Variants in PRKACB observed in about 807,000 individuals in gnomAD.
The protein encoded by PRKACB is cAMP-dependent protein kinase catalytic subunit beta.
A neutral mutation model predicts 51.4 loss-of-function variants in PRKACB; 16 were observed. The ratio of observed to expected loss-of-function variants is 0.31; its 90% confidence interval spans 0.21 to 0.47. The LOEUF (loss-of-function observed/expected upper bound fraction) is 0.47, where lower values mean the gene tolerates loss of function less well. Ranked by LOEUF, PRKACB falls within the 20% of genes least tolerant of loss-of-function variation. The pLI, the probability that PRKACB is intolerant of heterozygous loss-of-function variation, is 1.00. For synonymous variants in PRKACB, 147 were observed against 154.4 expected (o/e 0.95, Z 0.35); for missense variants, 309 against 464.5 (o/e 0.67, Z 3.08).
intron 1 of PRKACB, among the ~76,000 whole-genome samples, chr1:84,163,713 A>G (rs1656587565): frequency 1.3e-5 from 2 of 152,074 alleles, no homozygotes; most frequent in Non-Finnish European, 2.9e-5. Flanking sequence ...TTCCAGAGCC[A>G]TGAAATCATT....
At chr1:84,234,869 C>T (rs988983945) in intron 9 of PRKACB, among the ~76,000 whole-genome samples, 3 of 152,274 alleles carry the variant, frequency 2.0e-5, no homozygotes, top group East Asian at 1.9e-4. Flanking sequence ...AGAAATCACC[C>T]GTCTTCTGTG....
chr1:84,175,661 G>A (rs1194034218), intron 1 of PRKACB: 2 of 660,410 alleles, frequency 3.0e-6, no homozygotes, highest in African/African-American at 3.7e-5. Context: ...TAAATACATT[G>A]AAAAATTTGA....
intron 1 of PRKACB, among the ~76,000 whole-genome samples, chr1:84,171,116 C>G (rs1383339584): frequency 1.3e-5 from 2 of 151,232 alleles, no homozygotes; most frequent in Non-Finnish European, 3.0e-5. Context: ...AATAACTTAC[C>G]AAATAATTAA....
At chr1:84,221,793 G>A (rs1358065877) in intron 9 of PRKACB, among the ~76,000 whole-genome samples, 1 of 152,052 alleles carries the variant, frequency 6.6e-6, no homozygotes, top group Admixed American at 6.6e-5. Context: ...AGAAAATCTT[G>A]ATATGATTTC....
At chr1:84,088,552 G>C (rs1424573758) in intron 1 of PRKACB, among the ~76,000 whole-genome samples, 1 of 152,112 alleles carries the variant, frequency 6.6e-6, no homozygotes, top group African/African-American at 2.4e-5. Context: ...TCTTTTACAG[G>C]GGCTAGCTCT....
chr1:84,185,197 TG>T lies in PRKACB; in HGVS notation c.560+16del. ...GGAAGGTTCAGGTAACTAATGGTTT[TG>T]CTTTCTTCAAATCTTTATATGCTTG... On this transcript the variant is annotated intron_variant, in intron 5 of 9. Coordinates refer to ENST00000370685, the MANE Select transcript of PRKACB (RefSeq NM_182948.4). 6.7e-7 allele frequency: 1 copy of T among 1,486,738 alleles called. No homozygotes were observed. The highest frequency in any genetic ancestry group is 9.0e-7 in the Non-Finnish European group (1 of 1,112,768). The allele number at this position is 1,486,738 out of a possible 1,614,324, so 92.1% of individuals were successfully genotyped here. A position where few individuals can be genotyped will look rare whatever the true frequency, so the allele number is the denominator to read the frequency against.
At chr1:84,161,035 T>C (rs1052698740) in intron 1 of PRKACB, among the ~76,000 whole-genome samples, 6 of 151,912 alleles carry the variant, frequency 3.9e-5, no homozygotes, top group Non-Finnish European at 8.8e-5. Context: ...ATTTCCTGTC[T>C]AGTTTTTCCA....
chr1:84,142,724 T>C (rs1433627996), upstream of PRKACB, among the ~76,000 whole-genome samples: 2 of 152,212 alleles, frequency 1.3e-5, no homozygotes, highest in African/African-American at 4.8e-5. Context: ...AAGTTTATCT[T>C]ATAGATACTG....
chr1:84,204,450 T>G, intron 8 of PRKACB: 1 of 1,497,058 alleles, frequency 6.7e-7, no homozygotes, highest in Non-Finnish European at 9.3e-7. Flanking sequence ...GGCTTCAGAC[T>G]TCTTATCTTT....
chr1:84,184,213 C>A, intron 4 of PRKACB, 78 bp downstream of exon 4: 1 of 1,252,880 alleles, frequency 8.0e-7, no homozygotes, highest in Non-Finnish European at 1.1e-6. Context: ...GGATTCTAAA[C>A]CAGATGATAA....
Position 84,121,515 on chromosome 1 carries a change from T to A in PRKACB, c.46+43144T>A, listed in dbSNP as rs1326195414. On this transcript the variant is annotated intron_variant, in intron 1 of 8. Coordinates refer to the PRKACB transcript ENST00000370688. ...CTGTACATTACCCCTAAACTTTCCC[T>A]TATTCAGATCTCTAAAATGCCTGGT... Among the ~76,000 whole-genome samples, 3 of 152,140 alleles carry A rather than the reference T, an allele frequency of 2.0e-5. No individual in the cohort carries two copies. In the South Asian group the frequency reaches 6.2e-4, roughly 31 times the overall value.
chr1:84,212,214 G>A (rs1473370538), intron 8 of PRKACB, among the ~76,000 whole-genome samples: 1 of 152,064 alleles, frequency 6.6e-6, no homozygotes, highest in Non-Finnish European at 1.5e-5. Flanking sequence ...GAATCCCTTG[G>A]AGATAAAAGC....
intron 1 of PRKACB, among the ~76,000 whole-genome samples, chr1:84,158,062 A>G (rs1407040834): frequency 2.1e-5 from 3 of 142,716 alleles, no homozygotes; most frequent in African/African-American, 7.5e-5. Context: ...TGGTATCATC[A>G]GTCTTTCTTT....
At chr1:84,209,222 C>A (rs1326461972) in intron 8 of PRKACB, among the ~76,000 whole-genome samples, 1 of 152,156 alleles carries the variant, frequency 6.6e-6, no homozygotes, top group Non-Finnish European at 1.5e-5. Flanking sequence ...TGACTCAGGA[C>A]AATTCCCAAA....
intron 1 of PRKACB, among the ~76,000 whole-genome samples, chr1:84,173,826 T>C (rs2100856015): frequency 6.6e-6 from 1 of 151,988 alleles, no homozygotes; most frequent in Admixed American, 6.6e-5. Context: ...TAAACTGTTA[T>C]TACAAAAATG....
At chr1:84,086,299 T>A in intron 1 of PRKACB, 1 of 1,038,482 alleles carries the variant, frequency 9.6e-7, no homozygotes, top group Non-Finnish European at 1.5e-6. Context: ...CCCTTCCTGC[T>A]GCCTCCCTCC....
chr1:84,081,666 C>A (rs1032568793), intron 1 of PRKACB, among the ~76,000 whole-genome samples: 3 of 152,062 alleles, frequency 2.0e-5, no homozygotes, highest in African/African-American at 7.2e-5. Context: ...GCCCCAGTCA[C>A]CAACACACCA....
At chr1:84,160,495 A>T (rs1196981668) in intron 1 of PRKACB, among the ~76,000 whole-genome samples, 4 of 148,820 alleles carry the variant, frequency 2.7e-5, no homozygotes, top group Non-Finnish European at 4.5e-5. Context: ...TTATCATAAG[A>T]CTTTTGGTTT....
chr1:84,113,331 C>G (rs1033892380), intron 1 of PRKACB, among the ~76,000 whole-genome samples: 5 of 152,066 alleles, frequency 3.3e-5, no homozygotes, highest in African/African-American at 1.2e-4. Context: ...TGAGTAGAAA[C>G]ACTTATACAT....
Sources: gnomAD v4.1 joint callset for allele counts (sites outside exome capture counted in the v4.1 genomes callset) on GRCh38, gnomAD v4.1.1 for gene constraint, MANE v1.5 for transcripts, NCBI Gene and HGNC (gene_info 2026-07-23, HGNC 2026-07-21) for gene names.